MPDZ: variants seen among roughly 807,000 people sequenced by gnomAD.
The protein encoded by MPDZ is multiple PDZ domain crumbs cell polarity complex component.
Under a neutral mutation model 239.1 loss-of-function variants are expected in MPDZ, and 234 were observed. The observed-to-expected ratio is 0.98, with a 90% CI of 0.88 to 1.09. MPDZ has a LOEUF of 1.09. MPDZ is among the 50% of genes least tolerant of loss of function. MPDZ has a pLI of 0.00. For synonymous variants in MPDZ, 1,048 were observed against 881.3 expected, an observed-to-expected ratio of 1.19 and a Z score of -3.35; for missense variants, 3,175 against 2,510.0, an observed-to-expected ratio of 1.26 and a Z score of -5.66.
rs1226198498 is a variant in MPDZ, at chr9:13,279,396, TTACCCGGCTCGCGGCGCC to T, written c.-72_-58+3del. ...CTCTGGGCCGGGGCTCAAGCGCCGC[TTACCCGGCTCGCGGCGCC>T]CGCCCAGGGCCGCGACGCGAGGGGG... On this transcript the variant is annotated splice_donor_variant and splice_donor_region_variant and 5_prime_UTR_variant and intron_variant, in exon 1 of 47. Coordinates refer to ENST00000319217, the MANE Select transcript of MPDZ (RefSeq NM_001378778.1). LOFTEE classifies it low-confidence loss of function (5UTR_SPLICE). 1 of 144,380 alleles carries T rather than the reference TTACCCGGCTCGCGGCGCC, an allele frequency of 6.9e-6. No homozygotes were observed. Among genetic ancestry groups the T allele is most frequent in the Non-Finnish European group, 1.5e-5 (1 of 65,404 alleles). 8.9% of individuals were successfully genotyped at this position (144,380 alleles called of 1,614,324 possible).
intron 12 of MPDZ, among the ~76,000 whole-genome samples, chr9:13,197,159 C>CTCTATA (rs1554690719): frequency 1.3e-5 from 2 of 148,250 alleles, no homozygotes; most frequent in African/African-American, 4.9e-5. Flanking sequence ...AAACAATAAA[C>CTCTATA]TATATATATA....
intron 36 of MPDZ, 75 bp from the exon 37 acceptor site, chr9:13,122,245 A>T: frequency 7.7e-7 from 1 of 1,300,154 alleles, no homozygotes; most frequent in Non-Finnish European, 1.1e-6. Context: ...GAGTCCAAAC[A>T]CATTATACTT....
At chr9:13,192,102 G>C (rs766413352) in intron 15 of MPDZ, 29 bp downstream of exon 15, 16 of 1,544,500 alleles carry the variant, frequency 1.0e-5, no homozygotes, top group Non-Finnish European at 1.4e-5. Flanking sequence ...TATATATGTA[G>C]GTTAGCCTCA....
intron 3 of MPDZ, among the ~76,000 whole-genome samples, chr9:13,235,089 T>A (rs1292811925): frequency 1.3e-5 from 2 of 152,202 alleles, no homozygotes; most frequent in Non-Finnish European, 2.9e-5. Flanking sequence ...AGTGAAATAC[T>A]GATTAAAGCA....
At chr9:13,266,459 T>C (rs1012729727) in intron 1 of MPDZ, among the ~76,000 whole-genome samples, 11 of 152,254 alleles carry the variant, frequency 7.2e-5, no homozygotes, top group African/African-American at 2.7e-4. Flanking sequence ...CTCCTTCTCT[T>C]GGCCCATTCT....
intron 12 of MPDZ, among the ~76,000 whole-genome samples, chr9:13,198,348 G>A (rs996003454): frequency 2.6e-5 from 4 of 152,042 alleles, no homozygotes; most frequent in African/African-American, 9.7e-5. Flanking sequence ...CTGATGATCA[G>A]TGACGAACAT....
intron 1 of MPDZ, among the ~76,000 whole-genome samples, chr9:13,261,235 C>T (rs1405879315): frequency 3.3e-5 from 5 of 152,096 alleles, no homozygotes; most frequent in South Asian, 4.2e-4. Context: ...AGAATACAGC[C>T]GACATTAAGA....
At chr9:13,178,589 T>G (rs1042727718) in intron 19 of MPDZ, among the ~76,000 whole-genome samples, 1 of 152,214 alleles carries the variant, frequency 6.6e-6, no homozygotes, top group Admixed American at 6.5e-5. Flanking sequence ...TTCCTATTTA[T>G]GAAGAGATCA....
At chr9:13,172,385 T>TTG (rs1951891653) in intron 21 of MPDZ, among the ~76,000 whole-genome samples, 2 of 11,102 alleles carry the variant, frequency 1.8e-4, no homozygotes, top group South Asian at 2.7e-3. Context: ...ACTTTGTTTT[T>TTG]TGTTTTTTTT....
chr9:13,170,453 C>A (rs2133968054), intron 21 of MPDZ, among the ~76,000 whole-genome samples: 1 of 152,152 alleles, frequency 6.6e-6, no homozygotes, highest in East Asian at 1.9e-4. Context: ...CCTCTGCTTA[C>A]CATAAAACAA....
intron 28 of MPDZ, chr9:13,139,773 T>C: frequency 1.7e-6 from 1 of 572,300 alleles, no homozygotes; most frequent in Non-Finnish European, 3.2e-6. Context: ...GAGTGAGCTT[T>C]AACAGCACTT....
intron 23 of MPDZ, among the ~76,000 whole-genome samples, chr9:13,158,516 C>T (rs1461812562): frequency 1.3e-5 from 2 of 152,082 alleles, no homozygotes; most frequent in African/African-American, 2.4e-5. Context: ...TATGCACAGC[C>T]CTGAACCTTG....
At chr9:13,195,759 T>A (rs968466009) in intron 13 of MPDZ, among the ~76,000 whole-genome samples, 1 of 152,184 alleles carries the variant, frequency 6.6e-6, no homozygotes, top group African/African-American at 2.4e-5. Flanking sequence ...TAAGTCATGA[T>A]AAATTTTGTT....
At chr9:13,192,044 C>T (rs1954998061) in intron 15 of MPDZ, 87 bp downstream of exon 15, 1 of 1,210,472 alleles carries the variant, frequency 8.3e-7, no homozygotes, top group South Asian at 2.6e-5. Flanking sequence ...AAATCAAATA[C>T]CAAATTGAAA....
chr9:13,130,463 T>G (rs1945813493), intron 32 of MPDZ, among the ~76,000 whole-genome samples: 1 of 152,186 alleles, frequency 6.6e-6, no homozygotes, highest in Non-Finnish European at 1.5e-5. Context: ...ACTTACAGTC[T>G]GAACTATGTT....
At chr9:13,111,665 CAG>C (rs1194872362) in intron 43 of MPDZ, among the ~76,000 whole-genome samples, 3 of 152,140 alleles carry the variant, frequency 2.0e-5, no homozygotes, top group East Asian at 1.9e-4. Context: ...TTCAATTTAA[CAG>C]AGTTAAATCG....
In MPDZ at chr9:13,184,413, TA is replaced by T. The variant is rs1953811845; in HGVS notation, c.2482-829del. Among the ~76,000 whole-genome samples the T allele has an allele frequency of 2.6e-5, 4 of 152,076 alleles. No individual in the cohort carries two copies. In the South Asian group the frequency reaches 8.3e-4, roughly 31 times the overall value. On this transcript the variant is annotated intron_variant, in intron 18 of 46. Coordinates refer to ENST00000319217, the MANE Select transcript of MPDZ (RefSeq NM_001378778.1). ...TATCTTGGCAAAATTCCATATGTTC[TA>T]ATTTTTTTTTTGTAATTTCAACTTA...
intron 12 of MPDZ, among the ~76,000 whole-genome samples, chr9:13,204,134 C>T (rs959698757): frequency 4.6e-5 from 7 of 152,044 alleles, no homozygotes; most frequent in Admixed American, 2.0e-4. Context: ...AACAAAGCTT[C>T]GGTATAAGTA....
chr9:13,247,597 C>A, intron 3 of MPDZ, 38 bp downstream of exon 3: 5 of 1,578,606 alleles, frequency 3.2e-6, no homozygotes, highest in African/African-American at 2.7e-5. Context: ...AGATCTATGC[C>A]ATGTCGTGAA....
Sources: allele counts gnomAD v4.1 joint callset (sites outside exome capture counted in the v4.1 genomes callset), GRCh38; gene constraint gnomAD v4.1.1; transcripts MANE v1.5; gene names NCBI Gene and HGNC (gene_info 2026-07-23, HGNC 2026-07-21).